Variants in SNAPC1 observed in about 807,000 individuals in gnomAD.
SNAPC1 encodes small nuclear RNA activating complex polypeptide 1.
In SNAPC1, 42 loss-of-function variants were observed where a neutral mutation model predicts 50.1. The observed-to-expected ratio is 0.84, with a 90% CI of 0.65 to 1.08. SNAPC1 has a LOEUF of 1.08. Among genes scored for constraint, SNAPC1 ranks in the 50% least tolerant of loss-of-function variants. SNAPC1 has a pLI of 0.00. For synonymous variants in SNAPC1, 164 were observed against 144.2 expected, an observed-to-expected ratio of 1.14 and a Z score of -0.98; for missense variants, 477 against 427.3, an observed-to-expected ratio of 1.12 and a Z score of -1.02.
intron 8 of SNAPC1, among the ~76,000 whole-genome samples, chr14:61,787,399 T>TG (rs1488167816): frequency 7.2e-6 from 1 of 138,674 alleles, no homozygotes; most frequent in African/African-American, 2.8e-5. Context: ...TAAAATGTTT[T>TG]TTTTTTTTAA....
At chr14:61,783,201 ATT>A (rs531848054) in intron 8 of SNAPC1, among the ~76,000 whole-genome samples, 1 of 146,486 alleles carries the variant, frequency 6.8e-6, no homozygotes, top group Non-Finnish European at 1.5e-5. Flanking sequence ...TTTTTTTTGT[ATT>A]TTTTTTTAGT....
chr14:61,784,904 A>G (rs2045104672), intron 8 of SNAPC1, among the ~76,000 whole-genome samples: 1 of 152,178 alleles, frequency 6.6e-6, no homozygotes, highest in South Asian at 2.1e-4. Context: ...GAGACTAGAA[A>G]ATTATCATGA....
At chr14:61,778,352 A>G (rs1056579452) in intron 6 of SNAPC1, among the ~76,000 whole-genome samples, 4 of 152,254 alleles carry the variant, frequency 2.6e-5, no homozygotes, top group African/African-American at 9.6e-5. Flanking sequence ...GGGAAAGGAA[A>G]GCTTGACTAT....
Position 61,782,266 on chromosome 14 carries a change from A to T in SNAPC1, c.845A>T (p.His282Leu), listed in dbSNP as rs1176037788. ...VVIQASKSRR[H>L]RQVKLDSSDS... ...CTTAAGGCATCCAAATCAAGAAGGCATCGTCAAGTCAAACTCGACTCTTCT... is the reference window on the plus strand; with the variant it reads ...CTTAAGGCATCCAAATCAAGAAGGCTTCGTCAAGTCAAACTCGACTCTTCT... The change falls in exon 8 of 10, where the codon CAT (histidine) becomes CTT (leucine). Residue 282 changes from histidine to leucine, a missense_variant. His to Leu is a moderately conservative substitution (Grantham distance 99). Coordinates refer to ENST00000216294, the MANE Select transcript of SNAPC1 (RefSeq NM_003082.4). 6.2e-7 allele frequency: 1 copy of T among 1,600,452 alleles called. No homozygotes were observed. The highest frequency in any genetic ancestry group is 1.3e-5 in the African/African-American group (1 of 74,176).
chr14:61,779,936 C>T (rs1566590857), intron 7 of SNAPC1, among the ~76,000 whole-genome samples: 3 of 152,078 alleles, frequency 2.0e-5, no homozygotes, highest in South Asian at 2.1e-4. Flanking sequence ...CTTGAACTCC[C>T]GATCTCAGGT....
intron 8 of SNAPC1, among the ~76,000 whole-genome samples, chr14:61,791,214 G>A (rs1299202652): frequency 6.6e-6 from 1 of 151,998 alleles, no homozygotes; most frequent in South Asian, 2.1e-4. Context: ...GTTTCACCAT[G>A]TTGGCCAGAC....
Position 61,768,588 on chromosome 14 carries a change from A to T in SNAPC1, c.430-48A>T, listed in dbSNP as rs762747203. 2.6e-5 allele frequency: 26 copies of T among 1,007,168 alleles called. No individual in the cohort carries two copies. In the East Asian group the frequency reaches 6.2e-4, roughly 24 times the overall value. 62.4% of individuals were successfully genotyped at this position (1,007,168 alleles called of 1,614,324 possible). A position where few individuals can be genotyped will look rare whatever the true frequency, so the allele number is the denominator to read the frequency against. On this transcript the variant is annotated intron_variant, in intron 3 of 9. Transcript: ENST00000216294. Reference sequence around the variant, plus strand: ...GGCTTATATTTCAATACTTTTAACAATACTGTTTAAAAGATACTCATTTAA... The same window carrying T: ...GGCTTATATTTCAATACTTTTAACATTACTGTTTAAAAGATACTCATTTAA...
chr14:61,782,144 G>A, intron 7 of SNAPC1, 103 bp from the exon 8 acceptor site: 1 of 920,572 alleles, frequency 1.1e-6, no homozygotes, highest in Middle Eastern at 2.2e-4. Context: ...AGATATTTCT[G>A]TAAATCTTTC....
At chr14:61,779,241 A>G (rs1354142785) in intron 7 of SNAPC1, among the ~76,000 whole-genome samples, 1 of 152,144 alleles carries the variant, frequency 6.6e-6, no homozygotes. Flanking sequence ...CTGAAATTTC[A>G]TTTAATACAT....
At chr14:61,787,123 G>A (rs1037519844) in intron 8 of SNAPC1, among the ~76,000 whole-genome samples, 5 of 152,208 alleles carry the variant, frequency 3.3e-5, no homozygotes, top group Non-Finnish European at 5.9e-5. Flanking sequence ...TGGTTGCTAC[G>A]GACTTAGGGG....
At chr14:61,772,369 T>G (rs960216289) in intron 4 of SNAPC1, among the ~76,000 whole-genome samples, 1 of 152,182 alleles carries the variant, frequency 6.6e-6, no homozygotes, top group Non-Finnish European at 1.5e-5. Context: ...CTTAGCCTCC[T>G]GAATACCTGG....
chr14:61,783,711 T>C (rs1213801549), intron 8 of SNAPC1, among the ~76,000 whole-genome samples: 2 of 151,998 alleles, frequency 1.3e-5, no homozygotes, highest in African/African-American at 4.8e-5. Context: ...AATTTGTTTT[T>C]GTATTTTTAG....
At chr14:61,778,743 C>T (rs1418449710) in intron 6 of SNAPC1, 105 bp from the exon 7 acceptor site, 6 of 736,674 alleles carry the variant, frequency 8.1e-6, no homozygotes, top group Non-Finnish European at 1.4e-5. Context: ...TTTTACCCTA[C>T]ATTGTGTCTG....
chr14:61,773,681 C>A (rs562926749), intron 4 of SNAPC1, among the ~76,000 whole-genome samples: 269 of 149,392 alleles, frequency 1.8e-3, no homozygotes, highest in African/African-American at 6.3e-3. Flanking sequence ...CAGGCGCGGG[C>A]CACCATGCCT....
chr14:61,778,194 C>G, intron 6 of SNAPC1, 54 bp downstream of exon 6: 1 of 983,214 alleles, frequency 1.0e-6, no homozygotes. Context: ...GTATACTGAG[C>G]ATTGTGACCC....
At chr14:61,789,100 G>A (rs898859468) in intron 8 of SNAPC1, among the ~76,000 whole-genome samples, 6 of 151,730 alleles carry the variant, frequency 4.0e-5, no homozygotes, top group Non-Finnish European at 5.9e-5. Flanking sequence ...GTGTGGTGGC[G>A]GGTGCCTGTA....
chr14:61,768,598 AAAG>A (rs2044965655), intron 3 of SNAPC1, 35 bp from the exon 4 acceptor site: 3 of 1,085,658 alleles, frequency 2.8e-6, no homozygotes, highest in Non-Finnish European at 4.2e-6. Context: ...ATACTGTTTA[AAAG>A]ATACTCATTT....
chr14:61,777,401 G>T (rs963197303), intron 5 of SNAPC1, among the ~76,000 whole-genome samples: 3 of 152,076 alleles, frequency 2.0e-5, no homozygotes, highest in African/African-American at 7.2e-5. Flanking sequence ...TATAGACAGG[G>T]TCTTCTTGCT....
At chr14:61,793,271 G>A (rs972783296) in intron 9 of SNAPC1, among the ~76,000 whole-genome samples, 1 of 152,052 alleles carries the variant, frequency 6.6e-6, no homozygotes, top group Non-Finnish European at 1.5e-5. Context: ...GTCTTGCTGG[G>A]TTGCCCAGGC....
Sources: gnomAD v4.1 joint callset for allele counts (sites outside exome capture counted in the v4.1 genomes callset) on GRCh38, gnomAD v4.1.1 for gene constraint, MANE v1.5 for transcripts, NCBI Gene and HGNC (gene_info 2026-07-23, HGNC 2026-07-21) for gene names.